ARL10: variants seen among roughly 807,000 people sequenced by gnomAD.
The protein encoded by ARL10 is ADP-ribosylation factor-like protein 10.
A neutral mutation model predicts 26.1 loss-of-function variants in ARL10; 23 were observed. The ratio of observed to expected loss-of-function variants is 0.88; its 90% CI spans 0.63 to 1.25. ARL10 has a LOEUF of 1.25. Among genes scored for constraint, ARL10 ranks in the 50% most tolerant of loss-of-function variants. ARL10 has a pLI of 0.00. For synonymous variants in ARL10, 138 were observed against 149.1 expected, an observed-to-expected ratio of 0.93 and a Z score of 0.54; for missense variants, 300 against 323.6, an observed-to-expected ratio of 0.93 and a Z score of 0.56.
chr5:176,382,003 A>G (rs1216093402), downstream of ARL10: 1 of 152,246 alleles, frequency 6.6e-6, no homozygotes, highest in South Asian at 2.1e-4. Context: ...GCTCTCTGAT[A>G]CTGGTACAGA....
chr5:176,368,565 TA>T lies in ARL10; in HGVS notation c.386-241del, dbSNP rs1768408212. ...AGGGACTTGCCCCAAGAGACCCGCC[TA>T]TCAGAGCTAGAGCTAAATCCAGTCT... On this transcript the variant is annotated intron_variant, in intron 2 of 3. Transcript: ENST00000310389. The surrounding 1 kb of genome is among the most constrained non-coding windows in gnomAD (Gnocchi z 4.1). Among the ~76,000 whole-genome samples the T allele has an allele frequency of 1.3e-5, 2 of 152,132 alleles. No individual in the cohort carries two copies. The highest frequency in any genetic ancestry group is 4.8e-5 in the African/African-American group (2 of 41,420).
chr5:176,369,151 C>T (rs1352144395), intron 3 of ARL10, 169 bp downstream of exon 3: 1 of 1,534,496 alleles, frequency 6.5e-7, no homozygotes, highest in African/African-American at 1.4e-5. Flanking sequence ...CTTCCTTCCT[C>T]TTTGCCTCCC....
At chr5:176,388,917 A>G, downstream of ARL10, 31 of 1,614,166 alleles carry the variant, frequency 1.9e-5, no homozygotes, top group Non-Finnish European at 2.5e-5. Context: ...AGGAATCCAG[A>G]GAGTTTCAAG....
chr5:176,404,307 G>A (rs1347434493), downstream of ARL10, among the ~76,000 whole-genome samples: 1 of 152,198 alleles, frequency 6.6e-6, no homozygotes, highest in African/African-American at 2.4e-5. Flanking sequence ...GCCTTCCTCT[G>A]GGACGCACCC....
intron 1 of ARL10, among the ~76,000 whole-genome samples, chr5:176,395,148 G>C (rs1298424730): frequency 6.7e-6 from 1 of 148,760 alleles, no homozygotes; most frequent in Non-Finnish European, 1.5e-5. Flanking sequence ...ACTGCAGCCA[G>C]CTGGGCCTTT....
At chr5:176,396,381 G>A in intron 1 of ARL10, 1 of 1,125,704 alleles carries the variant, frequency 8.9e-7, no homozygotes, top group Non-Finnish European at 1.4e-6. Flanking sequence ...TCCGAGCCCA[G>A]CCACACTCAT....
At chr5:176,404,755 G>A (rs1463772908), downstream of ARL10, among the ~76,000 whole-genome samples, 1 of 152,180 alleles carries the variant, frequency 6.6e-6, no homozygotes, top group Non-Finnish European at 1.5e-5. Context: ...ACGTCCCTTT[G>A]TGCAGCAGGT....
At chr5:176,369,058 C>T in intron 3 of ARL10, 76 bp downstream of exon 3, 1 of 1,572,830 alleles carries the variant, frequency 6.4e-7, no homozygotes, top group Non-Finnish European at 8.6e-7. Context: ...AGGAGCGCTG[C>T]CTGGGCCCAT....
the ARL10 span, among the ~76,000 whole-genome samples, chr5:176,414,251 T>C: frequency 1.3e-5 from 2 of 152,156 alleles, no homozygotes; most frequent in Non-Finnish European, 2.9e-5. Flanking sequence ...CAGTGAATAC[T>C]GGTGCATTAA....
chr5:176,376,427 G>A lies in ARL10; in HGVS notation c.*4532G>A, dbSNP rs1320033402. ...TTGGGGTTTCAGGGTGACTTATTGG[G>A]AAAATGGAGAGATACTGGCATTAAT... On this transcript the variant is annotated 3_prime_UTR_variant, in exon 4 of 4. Coordinates refer to ENST00000310389, the MANE Select transcript of ARL10 (RefSeq NM_173664.6). The A allele has an allele frequency of 6.6e-6, 1 of 152,016 alleles. No homozygotes were observed. The highest frequency in any genetic ancestry group is 1.5e-5 in the Non-Finnish European group (1 of 68,022). The allele number at this position is 152,016 out of a possible 1,614,324, so 9.4% of individuals were successfully genotyped here.
chr5:176,368,811 G>T lies in ARL10; in HGVS notation c.390G>T (p.Gly130=). The change falls in exon 3 of 4, where the codon GGG becomes GGT. Residue 130 remains glycine (G), a synonymous_variant. Transcript: ENST00000310389. This position sits in a 1 kb window ranked among gnomAD's most constrained non-coding sequence, Gnocchi z 4.1. ...KDFEVDLLEI[G]GSQNLRFYWK... ...TGGCCCCTGGCCTCTCCTCAGTTGG[G>T]GGCAGCCAGAACCTGCGCTTCTACT... The T allele has an allele frequency of 6.2e-7, 1 of 1,609,804 alleles. No individual in the cohort carries two copies. The highest frequency in any genetic ancestry group is 8.5e-7 in the Non-Finnish European group (1 of 1,177,284).
chr5:176,411,057 G>C, the ARL10 span, among the ~76,000 whole-genome samples: 1 of 152,184 alleles, frequency 6.6e-6, no homozygotes, highest in Non-Finnish European at 1.5e-5. Context: ...TGCCCGCTAG[G>C]GGCAAACACC....
chr5:176,387,060 CTT>C (rs1755905841), intron 1 of ARL10: 8 of 593,248 alleles, frequency 1.3e-5, no homozygotes, highest in Admixed American at 6.4e-5. Flanking sequence ...GCCCTGGAGG[CTT>C]TTTCTCTCTC....
chr5:176,378,060 C>G lies in ARL10; in HGVS notation c.*6165C>G, dbSNP rs899356932. 1 of 152,278 alleles carries G rather than the reference C, an allele frequency of 6.6e-6. No homozygotes were observed. Among genetic ancestry groups the G allele is most frequent in the Non-Finnish European group, 1.5e-5 (1 of 68,092 alleles). 9.4% of individuals were successfully genotyped at this position (152,278 alleles called of 1,614,324 possible). A position where few individuals can be genotyped will look rare whatever the true frequency, so the allele number is the denominator to read the frequency against. On this transcript the variant is annotated 3_prime_UTR_variant, in exon 4 of 4. Transcript: ENST00000310389. ...TATAGGGAAGAGCCACCGTGCCTGG[C>G]CAAGTGCAAAGCTTTTAACAATAGA...
chr5:176,397,945 G>T (rs754031956), intron 1 of ARL10: 1 of 1,613,784 alleles, frequency 6.2e-7, no homozygotes, highest in Admixed American at 1.7e-5. Context: ...TCTTGCAGCC[G>T]TTTCCTCTGC....
At position 176,377,061 on chromosome 5, in the gene ARL10, G is replaced by A. The variant is rs1374445696; in HGVS notation, c.*5166G>A. The stretch of plus-strand genomic sequence containing the variant: ...GCATTTAGGAGAGTAGGAACTACGT[G>A]AAGTTCTGTTAGGAGCACAGGCTTT... On this transcript the variant is annotated 3_prime_UTR_variant, in exon 4 of 4. Coordinates refer to ENST00000310389, the MANE Select transcript of ARL10 (RefSeq NM_173664.6). This position sits in a 1 kb window ranked among gnomAD's most constrained non-coding sequence, Gnocchi z 4.5. The A allele has an allele frequency of 6.6e-6, 1 of 152,216 alleles. No homozygotes were observed. 9.4% of individuals were successfully genotyped at this position (152,216 alleles called of 1,614,324 possible). A position where few individuals can be genotyped will look rare whatever the true frequency, so the allele number is the denominator to read the frequency against.
At chr5:176,386,276 G>C (rs897299865), downstream of ARL10, 3 of 180,028 alleles carry the variant, frequency 1.7e-5, no homozygotes, top group African/African-American at 4.7e-5. Flanking sequence ...GAGAACCACT[G>C]AGATAAAAGA....
downstream of ARL10, among the ~76,000 whole-genome samples, chr5:176,403,293 A>C (rs1756922013): frequency 6.6e-6 from 1 of 151,898 alleles, no homozygotes; most frequent in African/African-American, 2.4e-5. Flanking sequence ...CAGGTGATCC[A>C]CCCACCTCGG....
chr5:176,367,221 C>G (rs1375044929), intron 2 of ARL10, among the ~76,000 whole-genome samples: 1 of 152,018 alleles, frequency 6.6e-6, no homozygotes, highest in Non-Finnish European at 1.5e-5. Context: ...ATTGGTCAGG[C>G]TAGTCTTGAA....
Sources: allele counts gnomAD v4.1 joint callset (sites outside exome capture counted in the v4.1 genomes callset), GRCh38; gene constraint gnomAD v4.1.1; non-coding constraint Gnocchi (gnomAD v3.1); transcripts MANE v1.5; gene names NCBI Gene and HGNC (gene_info 2026-07-23, HGNC 2026-07-21).